POLD3: variants seen among roughly 807,000 people sequenced by gnomAD.
The protein encoded by POLD3 is DNA polymerase delta 3, accessory subunit, also known as DNA polymerase delta subunit 3.
POLD3 carries 19 observed loss-of-function variants against 58.2 expected under a neutral mutation model. That is an observed-to-expected ratio of 0.33 (90% CI 0.23 to 0.48). The LOEUF (loss-of-function observed/expected upper bound fraction) is 0.48. Ranked by LOEUF, POLD3 falls within the 20% of genes least tolerant of loss-of-function variation. POLD3 has a pLI of 0.99. For missense variants in POLD3, 504 were observed against 545.5 expected (o/e 0.92, Z 0.76); for synonymous variants, 172 against 193.5 (o/e 0.89, Z 0.92).
chr11:74,633,654 T>G (rs2135173790), intron 9 of POLD3, among the ~76,000 whole-genome samples: 1 of 152,288 alleles, frequency 6.6e-6, no homozygotes, highest in East Asian at 1.9e-4. Context: ...GATTTTTACT[T>G]CCCCTCTCAT....
At chr11:74,611,394 G>A in intron 3 of POLD3, 105 bp from the exon 4 acceptor site, 3 of 701,656 alleles carry the variant, frequency 4.3e-6, no homozygotes, top group Admixed American at 2.5e-5. Context: ...GGAGTGCCTG[G>A]TGTTTTCCTA....
Position 74,640,739 on chromosome 11 carries a change from C to T in POLD3, c.1374C>T (p.Ser458=). The T allele has an allele frequency of 1.2e-6, 2 of 1,601,596 alleles. No homozygotes were observed. Among genetic ancestry groups the T allele is most frequent in the East Asian group, 2.2e-5 (1 of 44,654 alleles). ...TGGGCAAAGCCAACAGACAGGTGTC[C>T]ATTACTGGCTTCTTCCAGAGGAAAT... The part of the protein sequence containing the change: ...AALGKANRQV[S]ITGFFQRK Residue 458 remains serine (S), a synonymous_variant, in exon 12 of 12, where the codon TCC becomes TCT. Coordinates refer to ENST00000263681, the MANE Select transcript of POLD3 (RefSeq NM_006591.3).
chr11:74,651,172 A>G (rs1010715348), intron 4 of POLD3, among the ~76,000 whole-genome samples: 2 of 152,354 alleles, frequency 1.3e-5, no homozygotes, highest in South Asian at 4.1e-4. Context: ...CTATCATTCT[A>G]TCTCCAGTAC....
At chr11:74,667,932 A>G (rs2033292374) in intron 4 of POLD3, among the ~76,000 whole-genome samples, 1 of 152,266 alleles carries the variant, frequency 6.6e-6, no homozygotes, top group Non-Finnish European at 1.5e-5. Flanking sequence ...TTCAAAGAAT[A>G]TATACAAATG....
chr11:74,595,757 A>G (rs1450688462), intron 2 of POLD3, among the ~76,000 whole-genome samples: 42 of 152,148 alleles, frequency 2.8e-4, no homozygotes, highest in Admixed American at 2.8e-3. Context: ...AGCCGGGACT[A>G]CAGGTGCGTG....
chr11:74,633,341 T>C (rs1304884986), intron 9 of POLD3, among the ~76,000 whole-genome samples: 1 of 152,206 alleles, frequency 6.6e-6, no homozygotes, highest in African/African-American at 2.4e-5. Flanking sequence ...TTTCCTTTTA[T>C]GTTTCTCTCT....
chr11:74,614,064 A>G (rs10899014), intron 5 of POLD3, among the ~76,000 whole-genome samples: 18,886 of 152,224 alleles, frequency 0.12, 1,483 homozygotes, highest in African/African-American at 0.22. Context: ...ATCGTTTTCT[A>G]TGGGTGCAAC....
At position 74,611,540 on chromosome 11, in the gene POLD3, T is replaced by C; in HGVS notation, c.259+2T>C. 1 of 1,558,278 alleles carries C rather than the reference T, an allele frequency of 6.4e-7. No individual in the cohort carries two copies. Among genetic ancestry groups the C allele is most frequent in the Non-Finnish European group, 8.8e-7 (1 of 1,140,758 alleles). On this transcript the variant is annotated splice_donor_variant, in intron 4 of 11. Transcript: ENST00000263681. LOFTEE classifies it high-confidence loss of function. Reference sequence around the variant, plus strand: ...TAGTGAGAGAAGATAAATTGGAAGGTAAGTGTTTTAGTGACTTAGCAAGTT... The same window carrying C: ...TAGTGAGAGAAGATAAATTGGAAGGCAAGTGTTTTAGTGACTTAGCAAGTT...
intron 2 of POLD3, among the ~76,000 whole-genome samples, chr11:74,598,551 C>G (rs1208657171): frequency 6.6e-6 from 1 of 152,164 alleles, no homozygotes; most frequent in Non-Finnish European, 1.5e-5. Context: ...TGGCTTATGT[C>G]TGTTCCATGA....
At chr11:74,623,483 G>A (rs1405643027) in intron 7 of POLD3, among the ~76,000 whole-genome samples, 1 of 152,084 alleles carries the variant, frequency 6.6e-6, no homozygotes, top group Non-Finnish European at 1.5e-5. Context: ...GTCAGGGGCT[G>A]GACTGGGGTT....
intron 8 of POLD3, 22 bp from the exon 9 acceptor site, chr11:74,629,195 A>G: frequency 6.9e-7 from 1 of 1,441,762 alleles, no homozygotes; most frequent in South Asian, 1.2e-5. Flanking sequence ...AACACGCTTA[A>G]TTTATTTCTG....
At chr11:74,663,394 T>G (rs2033228436) in intron 4 of POLD3, among the ~76,000 whole-genome samples, 1 of 152,202 alleles carries the variant, frequency 6.6e-6, no homozygotes, top group Admixed American at 6.5e-5. Flanking sequence ...AAAATTTGCA[T>G]GGAAATGGAA....
At chr11:74,599,947 A>G (rs536186046) in intron 2 of POLD3, among the ~76,000 whole-genome samples, 43 of 140,672 alleles carry the variant, frequency 3.1e-4, no homozygotes, top group Admixed American at 6.7e-4. Context: ...ATATGTTGTT[A>G]TTATTATTAT....
intron 4 of POLD3, among the ~76,000 whole-genome samples, chr11:74,667,258 C>T (rs112344845): frequency 0.032 from 4,946 of 152,208 alleles, 308 homozygotes; most frequent in African/African-American, 0.11. Flanking sequence ...ATTAAGGGCC[C>T]GGCGTGGTGG....
chr11:74,650,560 A>G (rs2033056083), intron 4 of POLD3, among the ~76,000 whole-genome samples: 1 of 152,216 alleles, frequency 6.6e-6, no homozygotes. Flanking sequence ...TTGGCAGCAA[A>G]GAAGCCTCTC....
chr11:74,639,800 A>T (rs2032861157), intron 11 of POLD3, among the ~76,000 whole-genome samples: 1 of 152,236 alleles, frequency 6.6e-6, no homozygotes, highest in Non-Finnish European at 1.5e-5. Flanking sequence ...GGGAAAAGCA[A>T]TTTATGCCTT....
rs376195043 is a variant in POLD3 at position 74,596,386 on chromosome 11, A to G, written c.116+2270A>G. ...TTTTTAGTAGAGTTGGGGTTTCACC[A>G]TGCTGGCCAGGCTGGTCTCGAACTC... On this transcript the variant is annotated intron_variant, in intron 2 of 11. Coordinates refer to ENST00000263681, the MANE Select transcript of POLD3 (RefSeq NM_006591.3). Among the ~76,000 whole-genome samples, 38 of 151,870 alleles carry G rather than the reference A, an allele frequency of 2.5e-4. No homozygotes were observed. In the South Asian group the frequency reaches 7.7e-3, roughly 31 times the overall value.
intron 2 of POLD3, among the ~76,000 whole-genome samples, chr11:74,597,136 G>C (rs142097447): frequency 1.3e-5 from 2 of 152,198 alleles, no homozygotes; most frequent in Non-Finnish European, 2.9e-5. Context: ...GGATCATACA[G>C]TAGCTCTATT....
At chr11:74,611,318 T>A (rs1270169113) in intron 3 of POLD3, among the ~76,000 whole-genome samples, 181 bp from the exon 4 acceptor site, 1 of 152,212 alleles carries the variant, frequency 6.6e-6, no homozygotes, top group African/African-American at 2.4e-5. Context: ...AATTATTATT[T>A]TTTTTCCTGA....
Sources: gnomAD v4.1 joint callset for allele counts (sites outside exome capture counted in the v4.1 genomes callset) on GRCh38, gnomAD v4.1.1 for gene constraint, MANE v1.5 for transcripts, NCBI Gene and HGNC (gene_info 2026-07-23, HGNC 2026-07-21) for gene names.